Variants in DEPDC1B observed in about 807,000 individuals in gnomAD.
DEPDC1B encodes DEP domain containing 1B.
A neutral mutation model predicts 66.5 loss-of-function variants in DEPDC1B; 51 were observed. That is an observed-to-expected ratio of 0.77 (90% CI 0.61 to 0.97). The LOEUF is 0.97. DEPDC1B is among the 50% of genes least tolerant of loss of function. DEPDC1B has a pLI of 0.00. For missense variants in DEPDC1B, 552 were observed against 637.1 expected, an observed-to-expected ratio of 0.87 and a Z score of 1.44; for synonymous variants, 226 against 223.6, an observed-to-expected ratio of 1.01 and a Z score of -0.10.
intron 2 of DEPDC1B, among the ~76,000 whole-genome samples, chr5:60,676,941 C>A (rs1439999377): frequency 1.3e-5 from 2 of 152,124 alleles, no homozygotes; most frequent in Non-Finnish European, 2.9e-5. Flanking sequence ...AAAGACTTTC[C>A]GGTTCATAAT....
chr5:60,624,441 T>A (rs1752769577), intron 7 of DEPDC1B, among the ~76,000 whole-genome samples: 1 of 152,242 alleles, frequency 6.6e-6, no homozygotes, highest in Admixed American at 6.5e-5. Context: ...GGATATCATG[T>A]GCTACAATTT....
chr5:60,697,121 T>G (rs994843240), intron 1 of DEPDC1B, among the ~76,000 whole-genome samples: 2 of 152,240 alleles, frequency 1.3e-5, no homozygotes, highest in Admixed American at 1.3e-4. Flanking sequence ...ATGAACTATT[T>G]ATACCAAGTT....
At chr5:60,613,648 TAAGAGG>T (rs1206944129) in intron 7 of DEPDC1B, among the ~76,000 whole-genome samples, 1 of 152,104 alleles carries the variant, frequency 6.6e-6, no homozygotes, top group Non-Finnish European at 1.5e-5. Context: ...ATAATAGCCA[TAAGAGG>T]AAGTTACTTT....
chr5:60,649,516 T>C (rs916880376), intron 2 of DEPDC1B, among the ~76,000 whole-genome samples: 1 of 152,196 alleles, frequency 6.6e-6, no homozygotes, highest in Admixed American at 6.5e-5. Flanking sequence ...GTGGAGTACT[T>C]CTATTTCGGG....
At chr5:60,604,401 A>T (rs902566637) in intron 8 of DEPDC1B, among the ~76,000 whole-genome samples, 2 of 150,760 alleles carry the variant, frequency 1.3e-5, no homozygotes, top group African/African-American at 4.9e-5. Flanking sequence ...TTGTAATTTT[A>T]ATAGAGACGG....
intron 2 of DEPDC1B, among the ~76,000 whole-genome samples, chr5:60,650,951 C>CT (rs1753437281): frequency 6.6e-6 from 1 of 152,168 alleles, no homozygotes; most frequent in African/African-American, 2.4e-5. Context: ...TCTTGAAACT[C>CT]TCACTCTTGT....
chr5:60,676,304 C>A (rs1182149475), intron 2 of DEPDC1B, among the ~76,000 whole-genome samples: 1 of 151,164 alleles, frequency 6.6e-6, no homozygotes, highest in East Asian at 1.9e-4. Flanking sequence ...TCCTGTAGCA[C>A]ACCAACACGG....
At position 60,626,749 on chromosome 5, in the gene DEPDC1B, C is replaced by T. The variant is rs375328534; in HGVS notation, c.898+12001G>A. 1.1e-4 allele frequency among the ~76,000 whole-genome samples: 16 copies of T among 152,116 alleles called. No individual in the cohort carries two copies. In the South Asian group the frequency reaches 3.1e-3, roughly 30 times the overall value. On this transcript the variant is annotated intron_variant, in intron 7 of 10. Transcript: ENST00000265036. ...TTATTCTACAATACAGATTTCACAT[C>T]CAACATAAAGTTTCAAAAACAATGG...
At position 60,643,875 on chromosome 5, in the gene DEPDC1B, C is replaced by T. The variant is rs78431726; in HGVS notation, c.709+870G>A. On this transcript the variant is annotated intron_variant, in intron 5 of 10. Coordinates refer to ENST00000265036, the MANE Select transcript of DEPDC1B (RefSeq NM_018369.3). ...GTTTCAGGTCTGAAGACAGGTTCTG[C>T]TCCTGTCAGGAAACATGGCATAGAA... Among the ~76,000 whole-genome samples, 192 of 152,290 alleles carry T rather than the reference C, an allele frequency of 1.3e-3. 1 individual carries two copies. The highest frequency in any genetic ancestry group is 4.5e-3 in the African/African-American group (188 of 41,560).
chr5:60,649,488 G>T (rs1009643992), intron 2 of DEPDC1B, among the ~76,000 whole-genome samples: 1 of 151,832 alleles, frequency 6.6e-6, no homozygotes, highest in Non-Finnish European at 1.5e-5. Context: ...GAGAAAAAAT[G>T]CAGAAGAGCT....
chr5:60,653,819 A>G (rs1282851856), intron 2 of DEPDC1B, among the ~76,000 whole-genome samples: 2 of 149,444 alleles, frequency 1.3e-5, no homozygotes, highest in Admixed American at 6.6e-5. Context: ...ACTCTCCTAC[A>G]TGTGGCTTGC....
chr5:60,676,676 C>T (rs1754169280), intron 2 of DEPDC1B, among the ~76,000 whole-genome samples: 1 of 152,082 alleles, frequency 6.6e-6, no homozygotes, highest in Non-Finnish European at 1.5e-5. Context: ...CCCATCCCTT[C>T]TTTTTATCCA....
chr5:60,662,457 A>G (rs1753741182), intron 2 of DEPDC1B, among the ~76,000 whole-genome samples: 1 of 151,992 alleles, frequency 6.6e-6, no homozygotes, highest in Non-Finnish European at 1.5e-5. Context: ...GAACTTGGCA[A>G]CCTCGGTTTT....
At chr5:60,693,243 T>C (rs570466979) in intron 1 of DEPDC1B, among the ~76,000 whole-genome samples, 3 of 152,272 alleles carry the variant, frequency 2.0e-5, no homozygotes, top group Non-Finnish European at 2.9e-5. Context: ...TTGGCAAATA[T>C]GAACTGGTTG....
chr5:60,616,687 A>C (rs1752563428), intron 7 of DEPDC1B, among the ~76,000 whole-genome samples: 1 of 152,190 alleles, frequency 6.6e-6, no homozygotes, highest in Admixed American at 6.5e-5. Flanking sequence ...TGACGGGGAG[A>C]ATGGAACCAA....
At chr5:60,654,793 T>C (rs528132545) in intron 2 of DEPDC1B, among the ~76,000 whole-genome samples, 1 of 149,098 alleles carries the variant, frequency 6.7e-6, no homozygotes, top group African/African-American at 2.5e-5. Flanking sequence ...TACCTTAAGG[T>C]ACATCCCCTC....
intron 6 of DEPDC1B, among the ~76,000 whole-genome samples, chr5:60,642,496 A>C (rs939189389): frequency 4.6e-5 from 7 of 152,182 alleles, no homozygotes; most frequent in African/African-American, 1.2e-4. Context: ...AAATTACTGA[A>C]ACAGTCTTTC....
chr5:60,611,728 A>G (rs1361436138), intron 7 of DEPDC1B, among the ~76,000 whole-genome samples: 1 of 152,218 alleles, frequency 6.6e-6, no homozygotes, highest in East Asian at 1.9e-4. Context: ...CTTCAATTCT[A>G]TAAAGGCTGA....
chr5:60,609,233 T>C (rs1357616720), intron 7 of DEPDC1B, among the ~76,000 whole-genome samples: 3 of 152,142 alleles, frequency 2.0e-5, no homozygotes, highest in East Asian at 3.9e-4. Context: ...TAAGCGACCA[T>C]CCTTGACTCA....
Sources: allele counts gnomAD v4.1 joint callset (sites outside exome capture counted in the v4.1 genomes callset), GRCh38; gene constraint gnomAD v4.1.1; transcripts MANE v1.5; gene names NCBI Gene and HGNC (gene_info 2026-07-23, HGNC 2026-07-21).